The following PTPRN2 variants were observed in gnomAD, a reference collection of about 807,000 sequenced individuals.
PTPRN2 encodes protein tyrosine phosphatase receptor type N2.
In PTPRN2, 74 loss-of-function variants were observed where a neutral mutation model predicts 118.8. The observed-to-expected ratio is 0.62, with a 90% CI of 0.52 to 0.76. PTPRN2 has a LOEUF of 0.76. Among genes scored for constraint, PTPRN2 ranks in the 30% least tolerant of loss-of-function variants. The pLI, the probability that PTPRN2 is intolerant of heterozygous loss-of-function variation, is 0.00. For missense variants in PTPRN2, 1,481 were observed against 1,394.4 expected, an observed-to-expected ratio of 1.06 and a Z score of -0.99; for synonymous variants, 641 against 608.0, an observed-to-expected ratio of 1.05 and a Z score of -0.80.
chr7:157,651,931 G>A (rs1361380523), intron 14 of PTPRN2, among the ~76,000 whole-genome samples: 2 of 152,088 alleles, frequency 1.3e-5, no homozygotes, highest in African/African-American at 4.8e-5. Flanking sequence ...CCATTCACCC[G>A]CAGGTGAGCC....
chr7:157,924,131 G>T (rs1165075299), intron 11 of PTPRN2, among the ~76,000 whole-genome samples: 3 of 152,128 alleles, frequency 2.0e-5, no homozygotes, highest in Admixed American at 6.5e-5. Context: ...CAGAAGGCAG[G>T]GTGGGGCCAT....
At position 157,550,498 on chromosome 7, in the gene PTPRN2, G is replaced by A. The variant is rs940503474; in HGVS notation, c.2903-1479C>T. ...CCACAGCGGCTCCACCAGGGAGGCC[G>A]GGCGCGAGATGACCACCCCACCTGC... On this transcript the variant is annotated intron_variant, in intron 21 of 22. Transcript: ENST00000389418. The surrounding 1 kb of genome is among the most constrained non-coding windows in gnomAD (Gnocchi z 5.2). 9.9e-5 allele frequency among the ~76,000 whole-genome samples: 15 copies of A among 152,234 alleles called. No homozygotes were observed. The highest frequency in any genetic ancestry group is 3.6e-4 in the African/African-American group (15 of 41,466).
intron 2 of PTPRN2, among the ~76,000 whole-genome samples, chr7:158,374,002 C>T (rs750476391): frequency 7.9e-5 from 12 of 152,354 alleles, no homozygotes; most frequent in South Asian, 2.1e-4. Context: ...CTGAGGGAAA[C>T]GGGCAGAGTG....
chr7:158,268,761 G>A (rs1403859247), intron 3 of PTPRN2, among the ~76,000 whole-genome samples: 65 of 145,940 alleles, frequency 4.5e-4, no homozygotes, highest in Non-Finnish European at 8.1e-4. Flanking sequence ...CACACAGGGC[G>A]GGTGTGAAAT....
chr7:158,131,315 C>T (rs533321314), intron 9 of PTPRN2, among the ~76,000 whole-genome samples: 2 of 124,376 alleles, frequency 1.6e-5, no homozygotes, highest in African/African-American at 3.4e-5. Flanking sequence ...TACACATCTA[C>T]CCCACATACA....
chr7:158,072,700 C>G (rs1812036867), intron 11 of PTPRN2, among the ~76,000 whole-genome samples: 1 of 152,162 alleles, frequency 6.6e-6, no homozygotes, highest in Non-Finnish European at 1.5e-5. Context: ...CTGTGTTAGT[C>G]TGATCAACTG....
intron 1 of PTPRN2, among the ~76,000 whole-genome samples, chr7:158,523,502 TGGAGTGGAGTCGTCTGCCC>T (rs1824414710): frequency 8.0e-6 from 1 of 125,526 alleles, no homozygotes; most frequent in African/African-American, 3.2e-5. Context: ...TCGTCTGCCC[TGGAGTGGAGTCGTCTGCCC>T]TGGAGCAGAG....
At chr7:157,839,724 G>T (rs950318043) in intron 12 of PTPRN2, among the ~76,000 whole-genome samples, 1 of 152,038 alleles carries the variant, frequency 6.6e-6, no homozygotes, top group Non-Finnish European at 1.5e-5. Flanking sequence ...CTGTGTGACT[G>T]TGTGACTGTG....
chr7:157,776,005 T>C, intron 12 of PTPRN2, among the ~76,000 whole-genome samples: 1 of 151,906 alleles, frequency 6.6e-6, no homozygotes, highest in Non-Finnish European at 1.5e-5. Flanking sequence ...GCCAGCTGTG[T>C]ACTCGGAGGT....
chr7:157,653,670 G>T (rs1184440481), intron 14 of PTPRN2, among the ~76,000 whole-genome samples: 2 of 152,134 alleles, frequency 1.3e-5, no homozygotes, highest in Non-Finnish European at 2.9e-5. Context: ...GCATGGCTGA[G>T]AGGGCACGGG....
At chr7:158,467,797 C>T (rs57698206) in intron 2 of PTPRN2, among the ~76,000 whole-genome samples, 3 of 152,228 alleles carry the variant, frequency 2.0e-5, no homozygotes, top group Non-Finnish European at 4.4e-5. Flanking sequence ...TTTTACATGG[C>T]GTGTGTTTAA....
chr7:158,228,741 C>G (rs1828979705), intron 3 of PTPRN2, among the ~76,000 whole-genome samples: 1 of 152,102 alleles, frequency 6.6e-6, no homozygotes, highest in Non-Finnish European at 1.5e-5. Context: ...AATTTCCCCT[C>G]AACTCATAGC....
intron 12 of PTPRN2, chr7:157,863,547 TTAAAAG>T (rs897961240): frequency 6.6e-6 from 1 of 152,154 alleles, no homozygotes; most frequent in African/African-American, 2.4e-5. Context: ...AAGAAAAAAA[TTAAAAG>T]TAATTCAAAA....
At position 157,824,212 on chromosome 7, in the gene PTPRN2, C is replaced by T. The variant is rs115503259; in HGVS notation, c.1788+74461G>A. Among the ~76,000 whole-genome samples, 590 of 152,024 alleles carry T rather than the reference C, an allele frequency of 3.9e-3. 2 individuals are homozygous for T. The highest frequency in any genetic ancestry group is 0.012 in the African/African-American group (512 of 41,462). On this transcript the variant is annotated intron_variant, in intron 12 of 22. Transcript: ENST00000389418. ...ACAAGTCCTCCTCCCAAGGCAGGGGCGAGCTCAGCTTGCCGACGGCTGCCA... is the reference window on the plus strand; with the variant it reads ...ACAAGTCCTCCTCCCAAGGCAGGGGTGAGCTCAGCTTGCCGACGGCTGCCA...
chr7:158,205,289 G>T lies in PTPRN2; in HGVS notation c.278-16C>A. The T allele has an allele frequency of 6.3e-7, 1 of 1,598,124 alleles. No homozygotes were observed. Among genetic ancestry groups the T allele is most frequent in the Non-Finnish European group, 8.6e-7 (1 of 1,166,874 alleles). On this transcript the variant is annotated splice_polypyrimidine_tract_variant and intron_variant, in intron 3 of 22. Transcript: ENST00000389418. ...CACGTGAAACCTGTGGACAAAAATT[G>T]CAAAAATTATGTCATCATTTTGGAA...
At position 158,530,409 on chromosome 7, in the gene PTPRN2, G is replaced by A. The variant is rs114316457; in HGVS notation, c.113-40624C>T. On this transcript the variant is annotated intron_variant, in intron 1 of 22. Transcript: ENST00000389418. ...TGCGGAGGCTCTGCAGGAGCTCCTG[G>A]GAATGCTGGGGACCTGGACATCCCA... Among the ~76,000 whole-genome samples, 1,194 of 152,328 alleles carry A rather than the reference G, an allele frequency of 7.8e-3. 15 individuals carry two copies. The highest frequency in any genetic ancestry group is 0.026 in the African/African-American group (1,087 of 41,578).
intron 3 of PTPRN2, among the ~76,000 whole-genome samples, chr7:158,229,298 A>C (rs1829018118): frequency 6.6e-6 from 1 of 152,124 alleles, no homozygotes; most frequent in African/African-American, 2.4e-5. Context: ...CCAGGAGACA[A>C]GACTGGAGTA....
chr7:158,013,036 G>A (rs945244374), intron 11 of PTPRN2, among the ~76,000 whole-genome samples: 6 of 152,160 alleles, frequency 3.9e-5, no homozygotes, highest in African/African-American at 1.2e-4. Flanking sequence ...CCACAGGCGG[G>A]ATGCCAAGCA....
intron 12 of PTPRN2, among the ~76,000 whole-genome samples, chr7:157,895,757 A>G (rs1797074378): frequency 6.6e-6 from 1 of 152,146 alleles, no homozygotes. Context: ...ACCCTGCCTA[A>G]TCAAATGCTG....
Sources: gnomAD v4.1 joint callset for allele counts (sites outside exome capture counted in the v4.1 genomes callset) on GRCh38, gnomAD v4.1.1 for gene constraint, Gnocchi (gnomAD v3.1) non-coding constraint, MANE v1.5 for transcripts, NCBI Gene and HGNC (gene_info 2026-07-23, HGNC 2026-07-21) for gene names.